The following CSMD1 variants were observed in gnomAD, a reference collection of about 807,000 sequenced individuals.
CSMD1 encodes the protein CUB and sushi domain-containing protein 1.
Under a neutral mutation model 417.5 loss-of-function variants are expected in CSMD1, and 213 were observed. That is an observed-to-expected ratio of 0.51 (90% confidence interval 0.46 to 0.57). CSMD1 has a LOEUF of 0.57. Ranked by LOEUF, CSMD1 falls within the 20% of genes least tolerant of loss-of-function variation. The pLI, the probability that CSMD1 is intolerant of heterozygous loss-of-function variation, is 0.00. For synonymous variants in CSMD1, 2,862 were observed against 1,736.8 expected (o/e 1.65, Z -16.11); for missense variants, 6,923 against 4,529.7 (o/e 1.53, Z -15.17).
chr8:3,953,934 G>T (rs1163102183), intron 5 of CSMD1, among the ~76,000 whole-genome samples: 1 of 152,220 alleles, frequency 6.6e-6, no homozygotes, highest in Non-Finnish European at 1.5e-5. Context: ...CCTGGCAAGG[G>T]TGGCTCTGGG....
At position 3,753,987 on chromosome 8, in the gene CSMD1, G is replaced by A. The variant is rs377082969; in HGVS notation, c.874C>T (p.Leu292Phe). The A allele has an allele frequency of 6.6e-5, 107 of 1,613,074 alleles. No individual in the cohort carries two copies. The highest frequency in any genetic ancestry group is 8.9e-5 in the Non-Finnish European group (105 of 1,179,514). ...PVISSKNWLR[L>F]HFTSDSNHRR... Reference sequence around the variant, plus strand: ...TGGTTGCTGTCAGAGGTGAAATGGAGTCGTAGCCAATTCTTGCTACTGATA... The same window carrying A: ...TGGTTGCTGTCAGAGGTGAAATGGAATCGTAGCCAATTCTTGCTACTGATA... Residue 292 changes from leucine to phenylalanine, a missense_variant, in exon 6 of 70, where the codon CTC becomes TTC. Leu to Phe is a conservative substitution (Grantham distance 22). Transcript: ENST00000635120.
intron 7 of CSMD1, among the ~76,000 whole-genome samples, chr8:3,620,825 T>A (rs915462559): frequency 6.6e-6 from 1 of 152,168 alleles, no homozygotes; most frequent in Non-Finnish European, 1.5e-5. Flanking sequence ...CTTTAAATAA[T>A]TATTTTAAAT....
chr8:3,892,690 C>T (rs1441456580), intron 5 of CSMD1, among the ~76,000 whole-genome samples: 1 of 148,326 alleles, frequency 6.7e-6, no homozygotes, highest in Non-Finnish European at 1.5e-5. Context: ...ATTAAGTAGG[C>T]ACTTATTTGA....
chr8:3,036,952 C>A (rs529223153), intron 50 of CSMD1, among the ~76,000 whole-genome samples: 2 of 152,240 alleles, frequency 1.3e-5, no homozygotes, highest in Admixed American at 6.5e-5. Context: ...AATATGTAGT[C>A]TTTTATCCCT....
At chr8:3,976,651 G>C (rs1013154829) in intron 5 of CSMD1, among the ~76,000 whole-genome samples, 1 of 152,150 alleles carries the variant, frequency 6.6e-6, no homozygotes, top group Non-Finnish European at 1.5e-5. Context: ...TGATCAATGT[G>C]ACTGACAGCT....
Position 4,975,618 on chromosome 8 carries a change from A to G in CSMD1, c.85+18714T>C, listed in dbSNP as rs141707077. Reference sequence around the variant, plus strand: ...CCCCATCCTGTAGGCTCCAGGTACAAGTATTGCATCCGAACAAAACAGGTG... The same window carrying G: ...CCCCATCCTGTAGGCTCCAGGTACAGGTATTGCATCCGAACAAAACAGGTG... On this transcript the variant is annotated intron_variant, in intron 1 of 69. Coordinates refer to ENST00000635120, the MANE Select transcript of CSMD1 (RefSeq NM_033225.6). Among the ~76,000 whole-genome samples, 46 of 152,310 alleles carry G rather than the reference A, an allele frequency of 3.0e-4. No individual in the cohort carries two copies. In the East Asian group the frequency reaches 8.3e-3, roughly 28 times the overall value.
intron 1 of CSMD1, among the ~76,000 whole-genome samples, chr8:4,977,801 T>A (rs1446786044): frequency 1.3e-5 from 2 of 152,264 alleles, no homozygotes; most frequent in Admixed American, 6.5e-5. Flanking sequence ...TTTGGCATAC[T>A]GCAGCGCTTT....
chr8:3,117,588 T>C (rs1816945330), intron 42 of CSMD1, among the ~76,000 whole-genome samples: 1 of 152,234 alleles, frequency 6.6e-6, no homozygotes, highest in African/African-American at 2.4e-5. Context: ...GTAAATTTTC[T>C]ATTGCATATG....
intron 2 of CSMD1, among the ~76,000 whole-genome samples, chr8:4,518,948 A>C (rs1320648840): frequency 1.3e-5 from 2 of 152,126 alleles, no homozygotes; most frequent in East Asian, 1.9e-4. Context: ...TAATAGACAC[A>C]TTCTCCCTTT....
At position 3,223,723 on chromosome 8, in the gene CSMD1, C is replaced by A; in HGVS notation, c.4484+6G>T. ...CTAAAAAGAGGTATTCTGCAAGAGA[C>A]GGTACCTTTTGAATATCAAGGCGAT... On this transcript the variant is annotated splice_donor_region_variant and intron_variant, in intron 28 of 69. Coordinates refer to ENST00000635120, the MANE Select transcript of CSMD1 (RefSeq NM_033225.6). 6.2e-7 allele frequency: 1 copy of A among 1,613,586 alleles called. No individual in the cohort carries two copies. Among genetic ancestry groups the A allele is most frequent in the Non-Finnish European group, 8.5e-7 (1 of 1,179,650 alleles).
At chr8:4,496,986 C>G (rs1179949570) in intron 2 of CSMD1, among the ~76,000 whole-genome samples, 2 of 152,080 alleles carry the variant, frequency 1.3e-5, no homozygotes, top group Admixed American at 1.3e-4. Flanking sequence ...GAAAGGGAGA[C>G]AATAAGGCTT....
chr8:3,661,932 A>T (rs1198214092), intron 7 of CSMD1, among the ~76,000 whole-genome samples: 1 of 152,188 alleles, frequency 6.6e-6, no homozygotes, highest in Non-Finnish European at 1.5e-5. Context: ...AAAGAGGAGT[A>T]AGATTGAGGG....
chr8:3,084,000 T>C (rs1285338927), intron 49 of CSMD1, among the ~76,000 whole-genome samples: 3 of 152,066 alleles, frequency 2.0e-5, no homozygotes, highest in Non-Finnish European at 4.4e-5. Flanking sequence ...GTGAATCCCT[T>C]GGAAGGAAAC....
chr8:4,603,666 T>A (rs994084892), intron 2 of CSMD1, among the ~76,000 whole-genome samples: 6 of 152,002 alleles, frequency 3.9e-5, no homozygotes, highest in African/African-American at 1.4e-4. Context: ...ATGACGTGGG[T>A]TTCTGTCACA....
rs185730879 is a variant in CSMD1 at position 4,002,622 on chromosome 8, A to T, written c.611-4512T>A. 6.5e-4 allele frequency among the ~76,000 whole-genome samples: 99 copies of T among 152,330 alleles called. 2 individuals are homozygous for T. Among genetic ancestry groups the T allele is most frequent in the African/African-American group, 2.3e-3 (96 of 41,588 alleles). On this transcript the variant is annotated intron_variant, in intron 4 of 69. Transcript: ENST00000635120. ...TTCCAGTTTAGCTGCTAAAGATATT[A>T]AATTGCTCCCACATATCGCTAAAGG...
At chr8:4,121,835 C>CA (rs1037667524) in intron 3 of CSMD1, among the ~76,000 whole-genome samples, 13 of 151,694 alleles carry the variant, frequency 8.6e-5, no homozygotes, top group Middle Eastern at 3.4e-3. Context: ...TTGGGGGGGA[C>CA]AAAAAAAGCA....
At chr8:3,386,082 G>C (rs544151422) in intron 18 of CSMD1, among the ~76,000 whole-genome samples, 11 of 152,164 alleles carry the variant, frequency 7.2e-5, no homozygotes, top group African/African-American at 2.4e-4. Flanking sequence ...TCAATACAAT[G>C]TCTAAATTAC....
At chr8:4,276,635 G>A (rs1348915436) in intron 3 of CSMD1, among the ~76,000 whole-genome samples, 1 of 152,166 alleles carries the variant, frequency 6.6e-6, no homozygotes, top group African/African-American at 2.4e-5. Context: ...AATTTTAAGT[G>A]AAGTAGTGAT....
At chr8:3,706,099 C>T (rs13267014) in intron 7 of CSMD1, among the ~76,000 whole-genome samples, 1 of 152,134 alleles carries the variant, frequency 6.6e-6, no homozygotes, top group Non-Finnish European at 1.5e-5. Context: ...CTGTGCCTAC[C>T]TCCCCTACCG....
Sources: allele counts gnomAD v4.1 joint callset (sites outside exome capture counted in the v4.1 genomes callset), GRCh38; gene constraint gnomAD v4.1.1; transcripts MANE v1.5; gene names NCBI Gene and HGNC (gene_info 2026-07-23, HGNC 2026-07-21).